Variants in NUP160 observed in about 807,000 individuals in gnomAD.
NUP160 encodes nuclear pore complex protein Nup160.
In NUP160, 94 loss-of-function variants were observed where a neutral mutation model predicts 196.9. The ratio of observed to expected loss-of-function variants is 0.48; its 90% confidence interval spans 0.40 to 0.57. The LOEUF (loss-of-function observed/expected upper bound fraction) is 0.57, where lower values mean the gene tolerates loss of function less well. Ranked by LOEUF, NUP160 falls within the 20% of genes least tolerant of loss-of-function variation. The pLI is 0.00. For synonymous variants in NUP160, 605 were observed against 619.7 expected (o/e 0.98, Z 0.35); for missense variants, 1,638 against 1,748.3 (o/e 0.94, Z 1.13).
chr11:47,831,779 G>A (rs1441469226), intron 7 of NUP160, among the ~76,000 whole-genome samples: 1 of 140,304 alleles, frequency 7.1e-6, no homozygotes, highest in African/African-American at 2.7e-5. Context: ...GGAGGCAGAG[G>A]TTGCAGTGAG....
intron 28 of NUP160, 136 bp downstream of exon 28, chr11:47,792,650 T>A (rs1456844785): frequency 2.4e-6 from 2 of 828,544 alleles, no homozygotes; most frequent in African/African-American, 3.5e-5. Context: ...AAACATAGAT[T>A]TTTTTCACAA....
At position 47,812,353 on chromosome 11, in the gene NUP160, G is replaced by A. The variant is rs140968604; in HGVS notation, c.2029C>T (p.Arg677Trp). The A allele has an allele frequency of 1.9e-5, 31 of 1,613,446 alleles. No homozygotes were observed. Among genetic ancestry groups the A allele is most frequent in the Admixed American group, 3.3e-5 (2 of 59,936 alleles). ...ACTTCTGTTTCATAATCCATTTCCCGTATAAGTAGTCCAATTGCATGGATT... is the reference window on the plus strand; with the variant it reads ...ACTTCTGTTTCATAATCCATTTCCCATATAAGTAGTCCAATTGCATGGATT... The change falls in exon 16 of 36, where the codon CGG (arginine) becomes TGG (tryptophan). Residue 677 changes from arginine to tryptophan, a missense_variant. Arg to Trp is a moderately radical substitution (Grantham distance 101). Around this residue, in one of 3 missense-constraint regions of NUP160, gnomAD observed 1,345 missense variants for 1,470.2 expected, o/e 0.91. Coordinates refer to ENST00000378460, the Ensembl canonical transcript of NUP160.
intron 2 of NUP160, among the ~76,000 whole-genome samples, chr11:47,842,538 G>A (rs1257235327): frequency 6.6e-6 from 1 of 152,112 alleles, no homozygotes; most frequent in Admixed American, 6.6e-5. Context: ...TTCCCCACTG[G>A]CATTCTAGGC....
exon 13 of NUP160, chr11:47,815,588 T>G: frequency 6.2e-7 from 1 of 1,613,106 alleles, no homozygotes; most frequent in Non-Finnish European, 8.5e-7. Context: ...GCACCAGAAT[T>G]CTTGTTGTAA....
At chr11:47,798,447 T>C (rs747781151) in exon 24 of NUP160, 4 of 1,593,924 alleles carry the variant, frequency 2.5e-6, no homozygotes, top group Non-Finnish European at 3.4e-6. Context: ...ACCAATGACA[T>C]CTAGTAGTCG....
At chr11:47,796,128 T>G (rs2097670742) in intron 27 of NUP160, 1 of 270,482 alleles carries the variant, frequency 3.7e-6, no homozygotes, top group Non-Finnish European at 6.5e-6. Flanking sequence ...CACTCTACCC[T>G]GGGCAACGGA....
intron 2 of NUP160, among the ~76,000 whole-genome samples, chr11:47,845,740 C>A (rs981575385): frequency 6.6e-6 from 1 of 152,098 alleles, no homozygotes; most frequent in Admixed American, 6.6e-5. Context: ...GGGGTCTTAC[C>A]CTTTTTCCCA....
At chr11:47,818,549 C>CAA (rs55657302) in intron 10 of NUP160, among the ~76,000 whole-genome samples, 19 of 151,464 alleles carry the variant, frequency 1.3e-4, no homozygotes, top group South Asian at 2.1e-4. Context: ...GCAAACAAAA[C>CAA]AAAACAAAAC....
At chr11:47,812,887 A>C (rs1406949907) in exon 15 of NUP160, 1 of 1,611,114 alleles carries the variant, frequency 6.2e-7, no homozygotes, top group Admixed American at 1.7e-5. Flanking sequence ...CTTACACATC[A>C]ATAGTGATCA....
At chr11:47,782,357 T>TGC (rs1486790184) in intron 34 of NUP160, among the ~76,000 whole-genome samples, 7 of 123,072 alleles carry the variant, frequency 5.7e-5, no homozygotes, top group South Asian at 2.6e-4. Flanking sequence ...TATATATATA[T>TGC]GCGCCTATAC....
exon 25 of NUP160, chr11:47,798,213 T>C (rs141038632): frequency 6.2e-5 from 100 of 1,612,766 alleles, no homozygotes; most frequent in Non-Finnish European, 6.9e-5. Flanking sequence ...TGCTTGGCTA[T>C]TGTGACCCAA....
At chr11:47,837,365 A>G (rs1852196973) in intron 5 of NUP160, among the ~76,000 whole-genome samples, 180 bp downstream of exon 5, 1 of 152,194 alleles carries the variant, frequency 6.6e-6, no homozygotes, top group African/African-American at 2.4e-5. Context: ...AAGGCATCCA[A>G]TTGCAGATGA....
exon 30 of NUP160, chr11:47,788,548 A>T (rs755408618): frequency 8.7e-6 from 14 of 1,613,972 alleles, no homozygotes; most frequent in Non-Finnish European, 1.2e-5. Context: ...AGTGAGGCGG[A>T]TGCGAGCCAA....
Position 47,847,976 on chromosome 11 carries a change from G to T in NUP160, c.203-17C>A, listed in dbSNP as rs990752671. 2 of 1,594,018 alleles carry T rather than the reference G, an allele frequency of 1.3e-6. No individual in the cohort carries two copies. The highest frequency in any genetic ancestry group is 1.7e-6 in the Non-Finnish European group (2 of 1,161,984). The stretch of plus-strand genomic sequence containing the variant: ...TTGCAGTCCCTGCAAAATGAACGTG[G>T]TCAGCCTGCACACGCGTCTTCTGAG... On this transcript the variant is annotated splice_polypyrimidine_tract_variant and intron_variant, in intron 1 of 35. Coordinates refer to ENST00000378460, the Ensembl canonical transcript of NUP160.
At chr11:47,786,614 G>C in intron 31 of NUP160, 60 bp from the exon 32 acceptor site, 2 of 1,029,858 alleles carry the variant, frequency 1.9e-6, no homozygotes, top group Non-Finnish European at 3.0e-6. Context: ...ACTTTAATTT[G>C]ATACTAAAAC....
chr11:47,835,704 G>C (rs768790760), exon 7 of NUP160: 1 of 1,605,282 alleles, frequency 6.2e-7, no homozygotes, highest in African/African-American at 1.3e-5. Flanking sequence ...CCCATGGTGG[G>C]GGAATAAGCA....
At chr11:47,845,888 G>A (rs1369720551) in intron 2 of NUP160, among the ~76,000 whole-genome samples, 3 of 152,122 alleles carry the variant, frequency 2.0e-5, no homozygotes, top group Non-Finnish European at 4.4e-5. Flanking sequence ...ATCCTAGCAA[G>A]TTGGGAGGCC....
intron 31 of NUP160, among the ~76,000 whole-genome samples, chr11:47,787,478 C>T (rs554561506): frequency 3.5e-4 from 49 of 140,882 alleles, no homozygotes; most frequent in East Asian, 2.8e-3. Flanking sequence ...TGCCCAGGCT[C>T]GAGTGCAGAG....
intron 7 of NUP160, among the ~76,000 whole-genome samples, chr11:47,823,893 C>A (rs1436892078): frequency 6.6e-6 from 1 of 151,206 alleles, no homozygotes; most frequent in East Asian, 1.9e-4. Flanking sequence ...GGTTGTTTAC[C>A]TATTTGTTGT....
Sources: gnomAD v4.1 joint callset for allele counts (sites outside exome capture counted in the v4.1 genomes callset) on GRCh38, gnomAD v4.1.1 for gene constraint, gnomAD v4.1.1 regional missense constraint, MANE v1.5 for transcripts, NCBI Gene and HGNC (gene_info 2026-07-23, HGNC 2026-07-21) for gene names.